CCDC33: variants seen among roughly 807,000 people sequenced by gnomAD.
CCDC33 encodes the protein coiled-coil domain-containing protein 33.
A neutral mutation model predicts 91.9 loss-of-function variants in CCDC33; 94 were observed. The observed-to-expected ratio is 1.02, with a 90% CI of 0.87 to 1.21. CCDC33 has a LOEUF of 1.21. CCDC33 is among the 50% of genes most tolerant of loss of function. The probability of loss-of-function intolerance (pLI) is 0.00; values close to 1 mark genes in which losing one functional copy is unlikely to be tolerated. For missense variants in CCDC33, 940 were observed against 935.5 expected (o/e 1.00, Z -0.06); for synonymous variants, 396 against 374.5 (o/e 1.06, Z -0.66).
chr15:74,314,171 G>A (rs2060046830), intron 11 of CCDC33, among the ~76,000 whole-genome samples: 1 of 152,212 alleles, frequency 6.6e-6, no homozygotes, highest in African/African-American at 2.4e-5. Context: ...TGAGGAGGGG[G>A]CTGGCTGGGG....
upstream of CCDC33, among the ~76,000 whole-genome samples, chr15:74,213,770 G>A (rs766756208): frequency 2.6e-5 from 4 of 152,206 alleles, no homozygotes; most frequent in Non-Finnish European, 5.9e-5. Flanking sequence ...AAGGGAGTGG[G>A]AAGTGGGCCT....
At chr15:74,238,940 A>G (rs572263121) in intron 1 of CCDC33, among the ~76,000 whole-genome samples, 1 of 152,328 alleles carries the variant, frequency 6.6e-6, no homozygotes, top group Non-Finnish European at 1.5e-5. Context: ...ACTTTCTCTG[A>G]GTGTGCTTCC....
chr15:74,246,086 A>G (rs1281280121), intron 2 of CCDC33, among the ~76,000 whole-genome samples: 4 of 152,210 alleles, frequency 2.6e-5, no homozygotes, highest in Non-Finnish European at 5.9e-5. Flanking sequence ...TTACAAATAA[A>G]CAAGTAACAA....
At chr15:74,220,683 A>G (rs748423608) in intron 2 of CCDC33, among the ~76,000 whole-genome samples, 18 of 152,244 alleles carry the variant, frequency 1.2e-4, no homozygotes, top group Middle Eastern at 3.4e-3. Context: ...TCTCCCCACC[A>G]TGCTCCCTCT....
intron 11 of CCDC33, among the ~76,000 whole-genome samples, chr15:74,322,970 G>T (rs573935668): frequency 1.3e-5 from 2 of 152,264 alleles, no homozygotes; most frequent in African/African-American, 2.4e-5. Context: ...CCAGCAACCT[G>T]TCTCAGGCCT....
chr15:74,235,593 A>G (rs1184300293), upstream of CCDC33, among the ~76,000 whole-genome samples: 1 of 152,064 alleles, frequency 6.6e-6, no homozygotes, highest in African/African-American at 2.4e-5. Flanking sequence ...TCACCTCTCT[A>G]TAGAGCAACC....
At chr15:74,246,243 G>T (rs1254196390) in intron 2 of CCDC33, among the ~76,000 whole-genome samples, 2 of 152,208 alleles carry the variant, frequency 1.3e-5, no homozygotes, top group African/African-American at 4.8e-5. Flanking sequence ...CAGGGGAAAG[G>T]CTCCTTTACA....
chr15:74,232,000 T>A (rs1165628035), upstream of CCDC33, among the ~76,000 whole-genome samples: 1 of 152,124 alleles, frequency 6.6e-6, no homozygotes. Context: ...GGAGACAGAA[T>A]GAGACCCTGT....
At chr15:74,268,527 C>A in intron 5 of CCDC33, 69 bp downstream of exon 5, 1 of 1,219,306 alleles carries the variant, frequency 8.2e-7, no homozygotes, top group Non-Finnish European at 1.2e-6. Flanking sequence ...GCAGGCCCCA[C>A]GCCTTGCCCT....
rs150703893 is a variant in CCDC33 at position 74,321,303 on chromosome 15, T to C, written c.1291-8886T>C. On this transcript the variant is annotated intron_variant, in intron 11 of 18. Transcript: ENST00000398814. ...TCTTGCTCTGTTGCCCAGGCTGGAGTTCAGAGGCACGATCTCAGCTCAGTG... is the reference window on the plus strand; with the variant it reads ...TCTTGCTCTGTTGCCCAGGCTGGAGCTCAGAGGCACGATCTCAGCTCAGTG... 1.4e-3 allele frequency among the ~76,000 whole-genome samples: 219 copies of C among 152,022 alleles called. 1 individual carries two copies. The highest frequency in any genetic ancestry group is 5.0e-3 in the African/African-American group (208 of 41,442).
chr15:74,277,372 G>A (rs2076475763), intron 7 of CCDC33, among the ~76,000 whole-genome samples: 1 of 152,254 alleles, frequency 6.6e-6, no homozygotes, highest in Non-Finnish European at 1.5e-5. Context: ...GCAGGCAGAG[G>A]TGGATGTGGG....
exon 1 of CCDC33, chr15:74,217,527 C>A (rs1002022403): frequency 3.0e-5 from 39 of 1,283,768 alleles, no homozygotes; most frequent in Non-Finnish European, 3.9e-5. Context: ...GCAGCAGGAG[C>A]CTGGCCAGAG....
chr15:74,232,677 T>C (rs1230013210), upstream of CCDC33, among the ~76,000 whole-genome samples: 1 of 152,164 alleles, frequency 6.6e-6, no homozygotes, highest in Non-Finnish European at 1.5e-5. Flanking sequence ...TTGGGCAAAA[T>C]GTTAACCCTC....
chr15:74,287,860 A>G (rs1369503692), intron 10 of CCDC33, among the ~76,000 whole-genome samples: 2 of 152,204 alleles, frequency 1.3e-5, no homozygotes, highest in Non-Finnish European at 2.9e-5. Context: ...GTGCTTTCAC[A>G]AGGCCAACCT....
intron 15 of CCDC33, 94 bp from the exon 16 acceptor site, chr15:74,332,585 G>A: frequency 7.4e-7 from 1 of 1,344,788 alleles, no homozygotes; most frequent in East Asian, 2.3e-5. Context: ...GAGGGGAGGG[G>A]TGGCAGATTG....
chr15:74,280,679 C>T lies in CCDC33; in HGVS notation c.901C>T (p.Gln301Ter), dbSNP rs1245325558. ...TCCTTCCCCCACAGTGAAAGGCAGC[C>T]AGCCGTGGACCCTCAACCAGCCCCT... ...YYSSTSMKGS[Q>*]PWTLNQPLGI... The change falls in exon 9 of 19, where the codon CAG becomes TAG. Residue 301 changes from glutamine to a stop codon, truncating the protein, a stop_gained. Coordinates refer to ENST00000398814, the MANE Select transcript of CCDC33 (RefSeq NM_025055.5). LOFTEE classifies it high-confidence loss of function. The T allele has an allele frequency of 6.7e-7, 1 of 1,492,306 alleles. No individual in the cohort carries two copies. The highest frequency in any genetic ancestry group is 8.9e-7 in the Non-Finnish European group (1 of 1,118,466). The allele number at this position is 1,492,306 out of a possible 1,614,324, so 92.4% of individuals were successfully genotyped here. A position where few individuals can be genotyped will look rare whatever the true frequency, so the allele number is the denominator to read the frequency against.
intron 13 of CCDC33, 101 bp downstream of exon 13, chr15:74,330,852 AT>A: frequency 6.7e-7 from 1 of 1,503,574 alleles, no homozygotes; most frequent in Non-Finnish European, 9.1e-7. Flanking sequence ...CACAGAGGGA[AT>A]GGAAGCACGG....
upstream of CCDC33, among the ~76,000 whole-genome samples, chr15:74,214,190 G>A (rs534857357): frequency 1.2e-4 from 19 of 152,260 alleles, no homozygotes; most frequent in South Asian, 2.1e-4. Flanking sequence ...GCCCTCTGGG[G>A]TGGGCTAATT....
At chr15:74,231,818 C>G (rs532798538), upstream of CCDC33, among the ~76,000 whole-genome samples, 1 of 152,210 alleles carries the variant, frequency 6.6e-6, no homozygotes, top group Non-Finnish European at 1.5e-5. Context: ...GAGTTCGAGA[C>G]CAGCCTGATC....
Sources: gnomAD v4.1 joint callset for allele counts (sites outside exome capture counted in the v4.1 genomes callset) on GRCh38, gnomAD v4.1.1 for gene constraint, MANE v1.5 for transcripts, NCBI Gene and HGNC (gene_info 2026-07-23, HGNC 2026-07-21) for gene names.